Variants in NLGN1 observed in about 807,000 individuals in gnomAD.
NLGN1 encodes the protein neuroligin-1.
A neutral mutation model predicts 65.5 loss-of-function variants in NLGN1; 12 were observed. That is an observed-to-expected ratio of 0.18 (90% CI 0.12 to 0.30). The LOEUF is 0.30. Ranked by LOEUF, NLGN1 falls within the 10% of genes least tolerant of loss-of-function variation. The pLI, the probability that NLGN1 is intolerant of heterozygous loss-of-function variation, is 1.00. For missense variants in NLGN1, 750 were observed against 1,007.1 expected (o/e 0.74, Z 3.46); for synonymous variants, 350 against 359.5 (o/e 0.97, Z 0.30).
intron 3 of NLGN1, among the ~76,000 whole-genome samples, chr3:173,708,436 C>A (rs1215528125): frequency 6.6e-6 from 1 of 152,164 alleles, no homozygotes; most frequent in East Asian, 1.9e-4. Context: ...CACCACCTCT[C>A]AGCCCCAAAA....
At chr3:173,558,634 A>G (rs1484887495) in intron 2 of NLGN1, among the ~76,000 whole-genome samples, 3 of 151,830 alleles carry the variant, frequency 2.0e-5, no homozygotes, top group Non-Finnish European at 2.9e-5. Context: ...TAGAGTTTCT[A>G]TTTCTCTTTT....
intron 4 of NLGN1, among the ~76,000 whole-genome samples, chr3:174,153,496 C>G (rs1168712552): frequency 1.3e-5 from 2 of 152,098 alleles, no homozygotes; most frequent in Admixed American, 6.6e-5. Context: ...TGAGCATTAT[C>G]TTGGTTTCTA....
At chr3:173,770,347 C>A (rs6779230) in intron 3 of NLGN1, among the ~76,000 whole-genome samples, 92,761 of 152,014 alleles carry the variant, frequency 0.61, 29,126 homozygotes, top group Non-Finnish European at 0.69. Context: ...CCAAGGTTAC[C>A]TGCACAGATA....
chr3:174,278,595 C>G (rs1264504204), intron 5 of NLGN1, among the ~76,000 whole-genome samples: 1 of 151,880 alleles, frequency 6.6e-6, no homozygotes, highest in Non-Finnish European at 1.5e-5. Context: ...ACTACATCGT[C>G]TCCTTTTCTT....
chr3:173,581,153 A>C (rs998848689), intron 2 of NLGN1, among the ~76,000 whole-genome samples: 1 of 152,034 alleles, frequency 6.6e-6, no homozygotes, highest in African/African-American at 2.4e-5. Flanking sequence ...ATTGTTTGAC[A>C]ATTAACTCAA....
chr3:173,778,549 A>T (rs1578387787), intron 3 of NLGN1, among the ~76,000 whole-genome samples: 1 of 151,874 alleles, frequency 6.6e-6, no homozygotes, highest in Non-Finnish European at 1.5e-5. Flanking sequence ...TTAAAAATGA[A>T]TTTTTGCCAT....
intron 3 of NLGN1, among the ~76,000 whole-genome samples, chr3:173,710,300 C>T (rs751695877): frequency 8.6e-5 from 13 of 151,964 alleles, no homozygotes; most frequent in Non-Finnish European, 1.6e-4. Context: ...TCACTACTGC[C>T]GTGTTTAACA....
chr3:174,012,504 T>A (rs1337219601), intron 4 of NLGN1, among the ~76,000 whole-genome samples: 3 of 152,168 alleles, frequency 2.0e-5, no homozygotes, highest in Non-Finnish European at 4.4e-5. Flanking sequence ...TCCTCTATCA[T>A]TTATTCTTGA....
intron 2 of NLGN1, among the ~76,000 whole-genome samples, chr3:173,601,874 T>C (rs1750599515): frequency 6.6e-6 from 1 of 151,934 alleles, no homozygotes; most frequent in Non-Finnish European, 1.5e-5. Flanking sequence ...AATTTCTCTG[T>C]CCTATGAAAC....
At chr3:173,722,129 G>T (rs1770939235) in intron 3 of NLGN1, among the ~76,000 whole-genome samples, 1 of 151,878 alleles carries the variant, frequency 6.6e-6, no homozygotes, top group Non-Finnish European at 1.5e-5. Context: ...CTCCAAAGTT[G>T]GTGTCCACAC....
At chr3:173,829,269 C>T (rs1721985883) in intron 4 of NLGN1, among the ~76,000 whole-genome samples, 1 of 151,900 alleles carries the variant, frequency 6.6e-6, no homozygotes, top group Non-Finnish European at 1.5e-5. Flanking sequence ...ATTTGAAATG[C>T]CTATTAAGTA....
intron 3 of NLGN1, among the ~76,000 whole-genome samples, chr3:173,723,917 A>C (rs1771303283): frequency 6.6e-6 from 1 of 152,220 alleles, no homozygotes; most frequent in East Asian, 1.9e-4. Context: ...AAATGGTCAG[A>C]TTCTGATGTC....
intron 4 of NLGN1, among the ~76,000 whole-genome samples, chr3:173,815,584 C>T (rs1457527705): frequency 1.3e-5 from 2 of 152,072 alleles, no homozygotes; most frequent in East Asian, 1.9e-4. Context: ...GATTTTCCTC[C>T]TACCTCCCTG....
At chr3:174,219,035 C>G (rs1207353140) in intron 4 of NLGN1, among the ~76,000 whole-genome samples, 2 of 152,076 alleles carry the variant, frequency 1.3e-5, no homozygotes, top group Non-Finnish European at 2.9e-5. Context: ...AATCTTCCCT[C>G]ATTTTAAAAT....
chr3:173,502,128 A>G (rs538829101), intron 2 of NLGN1, among the ~76,000 whole-genome samples: 1 of 152,258 alleles, frequency 6.6e-6, no homozygotes, highest in East Asian at 1.9e-4. Flanking sequence ...TTACAAGAGT[A>G]GACCTTTCAA....
chr3:173,535,072 C>A (rs1737209910), intron 2 of NLGN1, among the ~76,000 whole-genome samples: 1 of 151,892 alleles, frequency 6.6e-6, no homozygotes, highest in African/African-American at 2.4e-5. Flanking sequence ...AAAACACATA[C>A]AATTTAACAG....
intron 4 of NLGN1, among the ~76,000 whole-genome samples, chr3:174,061,447 G>C (rs1737392746): frequency 1.3e-5 from 2 of 152,114 alleles, no homozygotes; most frequent in African/African-American, 4.8e-5. Flanking sequence ...AGATAGACCA[G>C]CCAAAAGAAG....
At chr3:173,894,077 G>A (rs1037237610) in intron 4 of NLGN1, among the ~76,000 whole-genome samples, 9 of 152,112 alleles carry the variant, frequency 5.9e-5, no homozygotes, top group African/African-American at 2.2e-4. Context: ...ATCCCTTGGG[G>A]TGAGCTTGTT....
intron 2 of NLGN1, among the ~76,000 whole-genome samples, chr3:173,520,244 A>G (rs1047324591): frequency 1.3e-5 from 2 of 152,200 alleles, no homozygotes; most frequent in Non-Finnish European, 2.9e-5. Flanking sequence ...ACCCATTCTC[A>G]GGTATTTCTT....
Sources: allele counts gnomAD v4.1 joint callset (sites outside exome capture counted in the v4.1 genomes callset), GRCh38; gene constraint gnomAD v4.1.1; transcripts MANE v1.5; gene names NCBI Gene and HGNC (gene_info 2026-07-23, HGNC 2026-07-21).